The following ENPP1 variants were observed in gnomAD, a reference collection of about 807,000 sequenced individuals.
ENPP1 encodes ectonucleotide pyrophosphatase/phosphodiesterase 1, also known as ectonucleotide pyrophosphatase/phosphodiesterase family member 1.
Under a neutral mutation model 122.8 loss-of-function variants are expected in ENPP1, and 73 were observed. The ratio of observed to expected loss-of-function variants is 0.59; its 90% CI spans 0.49 to 0.72. The LOEUF is 0.72. ENPP1 is among the 30% of genes least tolerant of loss of function. The pLI is 0.00. For synonymous variants in ENPP1, 367 were observed against 391.6 expected (o/e 0.94, Z 0.74); for missense variants, 978 against 1,128.1 (o/e 0.87, Z 1.91).
At position 131,874,263 on chromosome 6, in the gene ENPP1, A is replaced by G; in HGVS notation, c.1566-5A>G. The G allele has an allele frequency of 6.5e-7, 1 of 1,540,972 alleles. No homozygotes were observed. Among genetic ancestry groups the G allele is most frequent in the Non-Finnish European group, 9.0e-7 (1 of 1,114,696 alleles). ...ACATTTTTAATTCATATATGTCAAC[A>G]TTAGGAATCCCTCAGAAAGGAAATA... On this transcript the variant is annotated splice_polypyrimidine_tract_variant and splice_region_variant and intron_variant, in intron 15 of 24. Coordinates refer to ENST00000647893, the MANE Select transcript of ENPP1 (RefSeq NM_006208.3).
At chr6:131,873,185 C>T in intron 15 of ENPP1, 135 bp downstream of exon 15, 1 of 1,041,144 alleles carries the variant, frequency 9.6e-7, no homozygotes, top group Non-Finnish European at 1.5e-6. Flanking sequence ...CCCAGGATTT[C>T]TAATGTCGGC....
At chr6:131,839,852 T>G (rs2114680135) in intron 1 of ENPP1, among the ~76,000 whole-genome samples, 1 of 151,208 alleles carries the variant, frequency 6.6e-6, no homozygotes, top group East Asian at 1.9e-4. Context: ...TTATATACAG[T>G]TATATACAGA....
chr6:131,876,421 T>C (rs1010415665), intron 17 of ENPP1, among the ~76,000 whole-genome samples: 9 of 152,214 alleles, frequency 5.9e-5, no homozygotes, highest in African/African-American at 2.2e-4. Context: ...CTTAAATATG[T>C]CTTAAGTATA....
At chr6:131,853,799 A>C (rs1781909651) in intron 5 of ENPP1, among the ~76,000 whole-genome samples, 1 of 152,162 alleles carries the variant, frequency 6.6e-6, no homozygotes, top group African/African-American at 2.4e-5. Flanking sequence ...GAAGTTCCCT[A>C]CCACCTACCA....
chr6:131,823,577 T>C (rs1781507466), intron 1 of ENPP1, among the ~76,000 whole-genome samples: 1 of 152,112 alleles, frequency 6.6e-6, no homozygotes, highest in South Asian at 2.1e-4. Flanking sequence ...ATATCTGTTT[T>C]CTACCCCACC....
intron 1 of ENPP1, among the ~76,000 whole-genome samples, chr6:131,846,776 G>A (rs977138938): frequency 6.6e-6 from 1 of 152,076 alleles, no homozygotes; most frequent in Non-Finnish European, 1.5e-5. Context: ...GACATTCCAG[G>A]GAGCTTTCAA....
intron 1 of ENPP1, among the ~76,000 whole-genome samples, chr6:131,808,725 T>A (rs1477017595): frequency 2.0e-5 from 3 of 152,206 alleles, no homozygotes; most frequent in Non-Finnish European, 4.4e-5. Context: ...AGCGGAGCTC[T>A]TTAAGTTTTA....
At chr6:131,809,766 T>C (rs1781325275) in intron 1 of ENPP1, among the ~76,000 whole-genome samples, 1 of 152,168 alleles carries the variant, frequency 6.6e-6, no homozygotes, top group Non-Finnish European at 1.5e-5. Context: ...ATTGCAAAAT[T>C]CAGGTTTTAA....
intron 5 of ENPP1, 59 bp from the exon 6 acceptor site, chr6:131,854,867 C>A: frequency 8.4e-7 from 1 of 1,188,564 alleles, no homozygotes; most frequent in Non-Finnish European, 1.3e-6. Flanking sequence ...GGTACATCTT[C>A]ATTGGATATG....
chr6:131,865,339 A>G (rs1585827330), intron 11 of ENPP1, among the ~76,000 whole-genome samples: 1 of 152,228 alleles, frequency 6.6e-6, no homozygotes, highest in East Asian at 1.9e-4. Context: ...CTTAGGAGAT[A>G]GGTCTTTGGC....
Position 131,880,290 on chromosome 6 carries a change from G to A in ENPP1, c.2100+256G>A, listed in dbSNP as rs1014007693. 3.3e-5 allele frequency among the ~76,000 whole-genome samples: 5 copies of A among 152,192 alleles called. No individual in the cohort carries two copies. In the East Asian group the frequency reaches 5.8e-4, roughly 18 times the overall value. On this transcript the variant is annotated intron_variant, in intron 20 of 24. Transcript: ENST00000647893. Reference sequence around the variant, plus strand: ...GTAAAGATTCTCTTTTGGGCTGTGCGCAGTGGCTCATGCCTGTAATCTCAG... The same window carrying A: ...GTAAAGATTCTCTTTTGGGCTGTGCACAGTGGCTCATGCCTGTAATCTCAG...
rs373738424 is a variant in ENPP1 at position 131,879,843 on chromosome 6, C to T, written c.1946-37C>T. On this transcript the variant is annotated intron_variant, in intron 19 of 24. Coordinates refer to ENST00000647893, the MANE Select transcript of ENPP1 (RefSeq NM_006208.3). ...TCACACTATATATTATCATATAATG[C>T]ACACTAACTACATTTATTTTCATCC... 3.5e-5 allele frequency: 55 copies of T among 1,573,914 alleles called. No homozygotes were observed. In the African/African-American group the frequency reaches 5.4e-4, roughly 15 times the overall value.
intron 12 of ENPP1, among the ~76,000 whole-genome samples, chr6:131,868,528 T>G (rs574311788): frequency 1.1e-3 from 170 of 152,262 alleles, no homozygotes; most frequent in Non-Finnish European, 1.8e-3. Flanking sequence ...CAGCCTCAAC[T>G]TCCTGGGCTC....
Position 131,867,919 on chromosome 6 carries a change from G to C in ENPP1, c.1165-99G>C, listed in dbSNP as rs370142033. 2,439 of 833,850 alleles carry C rather than the reference G, an allele frequency of 2.9e-3. 34 individuals carry two copies. In the African/African-American group the frequency reaches 0.04, roughly 14 times the overall value. 51.7% of individuals were successfully genotyped at this position (833,850 alleles called of 1,614,324 possible). A position where few individuals can be genotyped will look rare whatever the true frequency, so the allele number is the denominator to read the frequency against. ...TCTGTCTGTCTTTCTTTCTTTCTTTGTTTCTTTCTTTTTTTTTTTTTTTAA... is the reference window on the plus strand; with the variant it reads ...TCTGTCTGTCTTTCTTTCTTTCTTTCTTTCTTTCTTTTTTTTTTTTTTTAA... On this transcript the variant is annotated intron_variant, in intron 11 of 24. Transcript: ENST00000647893.
At chr6:131,884,832 A>T in intron 22 of ENPP1, 99 bp from the exon 23 acceptor site, 1 of 1,370,274 alleles carries the variant, frequency 7.3e-7, no homozygotes, top group Non-Finnish European at 1.0e-6. Flanking sequence ...ATCTTTATTT[A>T]CTATAAATGC....
intron 1 of ENPP1, chr6:131,827,683 C>A: frequency 1.5e-6 from 1 of 651,112 alleles, no homozygotes; most frequent in East Asian, 2.9e-5. Context: ...TACGTGCATG[C>A]GGAATCTTCT....
intron 4 of ENPP1, 160 bp downstream of exon 4, chr6:131,851,427 C>A: frequency 2.5e-6 from 2 of 788,410 alleles, no homozygotes; most frequent in South Asian, 3.2e-5. Flanking sequence ...AACTTTTAAA[C>A]ATACACATGG....
chr6:131,819,742 T>C (rs2114657553), intron 1 of ENPP1: 1 of 292,018 alleles, frequency 3.4e-6, no homozygotes, highest in South Asian at 3.9e-5. Flanking sequence ...CCCCCACTTC[T>C]TGATGGTTTC....
Position 131,872,954 on chromosome 6 carries a change from A to G in ENPP1, c.1469A>G (p.Tyr490Cys). The G allele has an allele frequency of 6.2e-7, 1 of 1,613,792 alleles. No homozygotes were observed. The highest frequency in any genetic ancestry group is 8.5e-7 in the Non-Finnish European group (1 of 1,179,782). Reference sequence around the variant, plus strand: ...GAACCAAACCAGCACTTCAAACCTTACCTGAAACATTTCTTACCTAAGCGT... The same window carrying G: ...GAACCAAACCAGCACTTCAAACCTTGCCTGAAACATTTCTTACCTAAGCGT... ...CREPNQHFKP[Y>C]LKHFLPKRLH... Residue 490 changes from tyrosine (Y) to cysteine (C), a missense_variant, in exon 15 of 25, where the codon TAC becomes TGC. By Grantham distance (194) the Tyr-to-Cys change is radical. Transcript: ENST00000647893.
Sources: allele counts gnomAD v4.1 joint callset (sites outside exome capture counted in the v4.1 genomes callset), GRCh38; gene constraint gnomAD v4.1.1; transcripts MANE v1.5; gene names NCBI Gene and HGNC (gene_info 2026-07-23, HGNC 2026-07-21).